RETREG1: variants seen among roughly 807,000 people sequenced by gnomAD.
The protein encoded by RETREG1 is family with sequence similarity 134 member B.
Under a neutral mutation model 54.8 loss-of-function variants are expected in RETREG1, and 44 were observed. The ratio of observed to expected loss-of-function variants is 0.80; its 90% CI spans 0.63 to 1.03. The LOEUF (loss-of-function observed/expected upper bound fraction) is 1.03. Ranked by LOEUF, RETREG1 falls within the 50% of genes least tolerant of loss-of-function variation. The probability of loss-of-function intolerance (pLI) is 0.00; values close to 1 mark genes in which losing one functional copy is unlikely to be tolerated. For missense variants in RETREG1, 554 were observed against 605.1 expected (o/e 0.92, Z 0.89); for synonymous variants, 217 against 238.5 (o/e 0.91, Z 0.83).
intron 3 of RETREG1, among the ~76,000 whole-genome samples, chr5:16,552,899 C>T (rs545170191): frequency 6.6e-6 from 1 of 152,210 alleles, no homozygotes; most frequent in Non-Finnish European, 1.5e-5. Flanking sequence ...TTCTCTGAAA[C>T]AGATGTCCCA....
intron 1 of RETREG1, among the ~76,000 whole-genome samples, chr5:16,606,195 A>G (rs1743186572): frequency 6.6e-6 from 1 of 152,152 alleles, no homozygotes; most frequent in African/African-American, 2.4e-5. Flanking sequence ...CGCTTCAGCT[A>G]AGGCCAGGAA....
intron 3 of RETREG1, among the ~76,000 whole-genome samples, chr5:16,549,442 A>T (rs867695002): frequency 5.6e-4 from 86 of 152,218 alleles, no homozygotes; most frequent in African/African-American, 2.0e-3. Flanking sequence ...TAATATAAGT[A>T]AAACTGTGGA....
At chr5:16,522,217 G>GA (rs570124423) in intron 3 of RETREG1, among the ~76,000 whole-genome samples, 150 of 142,480 alleles carry the variant, frequency 1.1e-3, no homozygotes, top group East Asian at 2.4e-3. Flanking sequence ...TTGATATGTG[G>GA]AAAAAAAAAA....
chr5:16,569,637 A>C (rs1371716329), intron 2 of RETREG1, among the ~76,000 whole-genome samples: 1 of 152,172 alleles, frequency 6.6e-6, no homozygotes, highest in Non-Finnish European at 1.5e-5. Flanking sequence ...GTTTTCTGCC[A>C]TTTCACAGGA....
intron 3 of RETREG1, among the ~76,000 whole-genome samples, chr5:16,527,985 A>G (rs1740776289): frequency 6.6e-6 from 1 of 151,244 alleles, no homozygotes; most frequent in South Asian, 2.1e-4. Context: ...AATTTTTTGT[A>G]TTTTTAGTAC....
chr5:16,611,421 C>T (rs984774106), intron 1 of RETREG1, among the ~76,000 whole-genome samples: 4 of 150,598 alleles, frequency 2.7e-5, no homozygotes, highest in Non-Finnish European at 4.4e-5. Context: ...ACATCAGAGA[C>T]GCTTTCTAGG....
At chr5:16,495,999 T>G (rs551843400) in intron 3 of RETREG1, among the ~76,000 whole-genome samples, 8 of 152,190 alleles carry the variant, frequency 5.3e-5, no homozygotes, top group Admixed American at 2.0e-4. Context: ...GTATTAGGCA[T>G]GATTTCTAGT....
chr5:16,609,042 T>G (rs765533769), intron 1 of RETREG1, among the ~76,000 whole-genome samples: 60 of 152,348 alleles, frequency 3.9e-4, no homozygotes, highest in Non-Finnish European at 6.6e-4. Flanking sequence ...CTTGTGTGGC[T>G]ATTTAAACTT....
At chr5:16,478,671 G>C (rs917842424) in intron 6 of RETREG1, among the ~76,000 whole-genome samples, 179 bp downstream of exon 6, 2 of 152,056 alleles carry the variant, frequency 1.3e-5, no homozygotes, top group African/African-American at 4.8e-5. Flanking sequence ...TTGTATATTT[G>C]AGAAAAGAAG....
intron 1 of RETREG1, among the ~76,000 whole-genome samples, chr5:16,572,744 T>A (rs1309340621): frequency 6.6e-6 from 1 of 152,118 alleles, no homozygotes; most frequent in Admixed American, 6.5e-5. Context: ...GAAACAGAGT[T>A]AGGATGGGCT....
rs1168672245 is a variant in RETREG1, at chr5:16,566,829, T to A, written c.428-1036A>T. Among the ~76,000 whole-genome samples the A allele has an allele frequency of 3.3e-5, 5 of 152,352 alleles. No individual in the cohort carries two copies. The East Asian group carries it at 9.6e-4, about 29-fold the overall frequency. ...TGTGCTTATGTTCCAAATAAGCTTCTTCAAACTTGTTGGAGGAAGGTGGCA... is the reference window on the plus strand; with the variant it reads ...TGTGCTTATGTTCCAAATAAGCTTCATCAAACTTGTTGGAGGAAGGTGGCA... On this transcript the variant is annotated intron_variant, in intron 2 of 8. Coordinates refer to ENST00000306320, the MANE Select transcript of RETREG1 (RefSeq NM_001034850.3).
At chr5:16,540,928 G>C (rs540319864) in intron 3 of RETREG1, among the ~76,000 whole-genome samples, 91 of 152,278 alleles carry the variant, frequency 6.0e-4, no homozygotes, top group Non-Finnish European at 1.2e-3. Flanking sequence ...AAGTAGACGG[G>C]GAAAAGCATG....
Position 16,594,717 on chromosome 5 carries a change from T to A in RETREG1, c.320+21935A>T, listed in dbSNP as rs1579716731. Among the ~76,000 whole-genome samples, 1 of 151,842 alleles carries A rather than the reference T, an allele frequency of 6.6e-6. No individual in the cohort carries two copies. The highest frequency in any genetic ancestry group is 1.5e-5 in the Non-Finnish European group (1 of 67,962). ...TCCAGCCTGGGCAACAGAGCAAGAC[T>A]CCAAAAAAAACAAAAAACAAAACAC... On this transcript the variant is annotated intron_variant, in intron 1 of 8. Coordinates refer to ENST00000306320, the MANE Select transcript of RETREG1 (RefSeq NM_001034850.3). This position sits in a 1 kb window ranked among gnomAD's most constrained non-coding sequence, Gnocchi z 4.4.
intron 3 of RETREG1, among the ~76,000 whole-genome samples, chr5:16,497,740 A>T (rs557489707): frequency 5.8e-4 from 89 of 152,210 alleles, no homozygotes; most frequent in African/African-American, 2.1e-3. Flanking sequence ...GACCACACTA[A>T]TGTGTCACAG....
At chr5:16,569,152 C>T (rs896774122) in intron 2 of RETREG1, among the ~76,000 whole-genome samples, 1 of 152,148 alleles carries the variant, frequency 6.6e-6, no homozygotes, top group Non-Finnish European at 1.5e-5. Flanking sequence ...GGGACTGCTG[C>T]CAACTATTCA....
intron 1 of RETREG1, among the ~76,000 whole-genome samples, chr5:16,614,586 C>T (rs951323495): frequency 3.9e-5 from 6 of 152,174 alleles, no homozygotes; most frequent in African/African-American, 1.4e-4. Context: ...TTGTTAGAAC[C>T]CTAAGGAGCT....
chr5:16,601,391 CTT>C (rs530475440), intron 1 of RETREG1, among the ~76,000 whole-genome samples: 2 of 140,848 alleles, frequency 1.4e-5, no homozygotes, highest in Admixed American at 7.1e-5. Flanking sequence ...GAGGAATTTT[CTT>C]TTTTTTTTTT....
At chr5:16,525,570 G>A (rs376006969) in intron 3 of RETREG1, among the ~76,000 whole-genome samples, 58 of 152,252 alleles carry the variant, frequency 3.8e-4, no homozygotes, top group African/African-American at 3.1e-4. Context: ...ATGAGATGGC[G>A]TCTTCCTCTG....
intron 3 of RETREG1, among the ~76,000 whole-genome samples, chr5:16,523,269 C>A (rs1308929623): frequency 1.3e-5 from 2 of 152,058 alleles, no homozygotes; most frequent in Non-Finnish European, 2.9e-5. Context: ...TTTTCTTCAT[C>A]CCTTCCAGGA....
Sources: gnomAD v4.1 joint callset for allele counts (sites outside exome capture counted in the v4.1 genomes callset) on GRCh38, gnomAD v4.1.1 for gene constraint, Gnocchi (gnomAD v3.1) non-coding constraint, MANE v1.5 for transcripts, NCBI Gene and HGNC (gene_info 2026-07-23, HGNC 2026-07-21) for gene names.